Variants in ANK2 observed in about 807,000 individuals in gnomAD.
ANK2 encodes the protein ankyrin-2.
ANK2 carries 83 observed loss-of-function variants against 360.5 expected under a neutral mutation model. The ratio of observed to expected loss-of-function variants is 0.23; its 90% CI spans 0.19 to 0.28. ANK2 has a LOEUF of 0.28. Among genes scored for constraint, ANK2 ranks in the 10% least tolerant of loss-of-function variants. ANK2 has a pLI of 1.00. For missense variants in ANK2, 4,201 were observed against 4,795.7 expected (o/e 0.88, Z 3.66); for synonymous variants, 1,740 against 1,759.5 (o/e 0.99, Z 0.28).
Position 113,353,528 on chromosome 4 carries a change from T to C in ANK2, c.4910T>C (p.Val1637Ala). ...GKVEKDSTGL[V>A]NYLTDDLNTC... ...GTAGAGAAAGACTCAACTGGGCTAGTGAACTACCTTACTGATGATCTGAAT... is the reference window on the plus strand; with the variant it reads ...GTAGAGAAAGACTCAACTGGGCTAGCGAACTACCTTACTGATGATCTGAAT... The change falls in exon 38 of 46, where the codon GTG (valine) becomes GCG (alanine). Residue 1637 changes from valine (V) to alanine (A), a missense_variant. Val to Ala is a moderately conservative substitution (Grantham distance 64). Transcript: ENST00000357077. 6.2e-7 allele frequency: 1 copy of C among 1,614,004 alleles called. No homozygotes were observed. Among genetic ancestry groups the C allele is most frequent in the Non-Finnish European group, 8.5e-7 (1 of 1,179,924 alleles).
intron 22 of ANK2, among the ~76,000 whole-genome samples, chr4:113,296,065 G>A (rs914163276): frequency 6.6e-6 from 1 of 152,040 alleles, no homozygotes; most frequent in Non-Finnish European, 1.5e-5. Flanking sequence ...AATATGTAAG[G>A]CATTGAGGGA....
chr4:112,822,263 C>T lies in ANK2; in HGVS notation c.-40+3999C>T, dbSNP rs947873945. 7.0e-5 allele frequency among the ~76,000 whole-genome samples: 7 copies of T among 99,844 alleles called. No homozygotes were observed. In the East Asian group the frequency reaches 1.5e-3, roughly 21 times the overall value. 65.5% of individuals were successfully genotyped at this position (99,844 alleles called of 152,430 possible). On this transcript the variant is annotated intron_variant, in intron 1 of 30. Coordinates refer to the ANK2 transcript ENST00000503271. Reference sequence around the variant, plus strand: ...TAAAAAAAAAAAAAAAAAAAAAAAACAAAAATTAGCCGGGCGTGGTGGCAT... The same window carrying T: ...TAAAAAAAAAAAAAAAAAAAAAAAATAAAAATTAGCCGGGCGTGGTGGCAT...
At chr4:112,735,576 A>G in the ANK2 span, among the ~76,000 whole-genome samples, 2 of 152,118 alleles carry the variant, frequency 1.3e-5, no homozygotes, top group African/African-American at 4.8e-5. Context: ...TTTCCTTGTT[A>G]CACTGATGTC....
intron 43 of ANK2, chr4:113,372,752 C>T: frequency 1.5e-6 from 1 of 688,248 alleles, no homozygotes; most frequent in Non-Finnish European, 2.4e-6. Context: ...AAGCAGATCC[C>T]TTAACTCTCA....
chr4:113,295,541 G>A (rs192529655), intron 22 of ANK2, among the ~76,000 whole-genome samples: 2 of 152,134 alleles, frequency 1.3e-5, no homozygotes, highest in Admixed American at 6.5e-5. Flanking sequence ...GGAAAAGATG[G>A]GATGAAAATT....
chr4:113,327,129 T>C (rs2153899071), intron 26 of ANK2, among the ~76,000 whole-genome samples: 1 of 152,326 alleles, frequency 6.6e-6, no homozygotes, highest in Middle Eastern at 3.4e-3. Context: ...CAGAGATACT[T>C]ATAGGTAAAT....
At chr4:112,766,333 A>T in the ANK2 span, among the ~76,000 whole-genome samples, 3 of 151,508 alleles carry the variant, frequency 2.0e-5, no homozygotes, top group Admixed American at 1.3e-4. Flanking sequence ...AAAAAAAAAA[A>T]TTTGTTGCAT....
At chr4:112,799,787 G>T in the ANK2 span, among the ~76,000 whole-genome samples, 10 of 149,290 alleles carry the variant, frequency 6.7e-5, no homozygotes, top group African/African-American at 2.5e-4. Flanking sequence ...CAAAGTGCTG[G>T]GATTACAGGA....
chr4:113,291,689 A>G (rs1200724467), intron 20 of ANK2, among the ~76,000 whole-genome samples: 1 of 152,184 alleles, frequency 6.6e-6, no homozygotes, highest in African/African-American at 2.4e-5. Flanking sequence ...ACTGGGTCTG[A>G]AACATATAGA....
chr4:113,248,623 A>T (rs1310352274), intron 9 of ANK2, among the ~76,000 whole-genome samples: 2 of 152,000 alleles, frequency 1.3e-5, no homozygotes, highest in Non-Finnish European at 2.9e-5. Flanking sequence ...CATCTAGCAT[A>T]GAAATCTCCG....
chr4:113,123,774 T>C (rs2095507158), intron 1 of ANK2, among the ~76,000 whole-genome samples: 1 of 152,144 alleles, frequency 6.6e-6, no homozygotes, highest in South Asian at 2.1e-4. Context: ...GGGTTGGAAA[T>C]GACTAGAATA....
intron 1 of ANK2, among the ~76,000 whole-genome samples, chr4:113,149,845 C>T (rs113893305): frequency 0.017 from 1,992 of 118,556 alleles, 47 homozygotes; most frequent in African/African-American, 0.061. Flanking sequence ...CCACTGCACT[C>T]CAGCTTGCGT....
At chr4:112,747,991 A>G in the ANK2 span, among the ~76,000 whole-genome samples, 2 of 152,192 alleles carry the variant, frequency 1.3e-5, no homozygotes, top group Non-Finnish European at 2.9e-5. Flanking sequence ...GGATTTGGCT[A>G]TCATCCTAGA....
At chr4:113,322,373 G>GTCT (rs2086770639) in intron 26 of ANK2, among the ~76,000 whole-genome samples, 4 of 152,152 alleles carry the variant, frequency 2.6e-5, no homozygotes, top group Admixed American at 2.6e-4. Flanking sequence ...TTAAAGTGTT[G>GTCT]TCTTCAGATT....
the ANK2 span, among the ~76,000 whole-genome samples, chr4:112,804,703 A>G: frequency 2.0e-5 from 3 of 152,232 alleles, no homozygotes; most frequent in Non-Finnish European, 2.9e-5. Flanking sequence ...TATAAATGCA[A>G]ATATAAACTG....
the ANK2 span, among the ~76,000 whole-genome samples, chr4:112,713,843 G>A: frequency 5.3e-5 from 8 of 149,914 alleles, no homozygotes; most frequent in South Asian, 2.1e-4. Context: ...CTGAGGCATG[G>A]GAATGGCGTG....
At chr4:112,954,163 T>C (rs985066722) in intron 2 of ANK2, among the ~76,000 whole-genome samples, 9 of 151,800 alleles carry the variant, frequency 5.9e-5, no homozygotes, top group Non-Finnish European at 1.3e-4. Context: ...CACCCCTGTA[T>C]CCTTCCCTTT....
chr4:113,173,989 G>GA (rs1399812964), intron 1 of ANK2: 2 of 196,276 alleles, frequency 1.0e-5, no homozygotes, highest in African/African-American at 2.4e-5. Context: ...GAAAGAGAAA[G>GA]AAAAAAACCC....
At chr4:113,077,254 AT>A (rs1388931094) in intron 1 of ANK2, among the ~76,000 whole-genome samples, 1 of 152,148 alleles carries the variant, frequency 6.6e-6, no homozygotes, top group Non-Finnish European at 1.5e-5. Context: ...AAGAAATAAG[AT>A]TTAAAAAGTT....
Sources: gnomAD v4.1 joint callset for allele counts (sites outside exome capture counted in the v4.1 genomes callset) on GRCh38, gnomAD v4.1.1 for gene constraint, MANE v1.5 for transcripts, NCBI Gene and HGNC (gene_info 2026-07-23, HGNC 2026-07-21) for gene names.